Variants in CWF19L2 observed in about 807,000 individuals in gnomAD.
CWF19L2 encodes CWF19-like protein 2.
CWF19L2 carries 98 observed loss-of-function variants against 111.7 expected under a neutral mutation model. That is an observed-to-expected ratio of 0.88 (90% CI 0.75 to 1.04). The LOEUF (loss-of-function observed/expected upper bound fraction) is 1.04. Among genes scored for constraint, CWF19L2 ranks in the 50% least tolerant of loss-of-function variants. The pLI, the probability that CWF19L2 is intolerant of heterozygous loss-of-function variation, is 0.00. For missense variants in CWF19L2, 1,101 were observed against 1,051.4 expected (o/e 1.05, Z -0.65); for synonymous variants, 351 against 342.9 (o/e 1.02, Z -0.26).
intron 6 of CWF19L2, 62 bp from the exon 7 acceptor site, chr11:107,433,811 A>C (rs1335342539): frequency 2.8e-5 from 17 of 606,954 alleles, no homozygotes; most frequent in African/African-American, 4.0e-5. Flanking sequence ...ATTAATATGT[A>C]TTGCTTCTAT....
intron 12 of CWF19L2, among the ~76,000 whole-genome samples, chr11:107,356,250 A>G (rs1312461504): frequency 6.6e-6 from 1 of 152,210 alleles, no homozygotes; most frequent in African/African-American, 2.4e-5. Flanking sequence ...ATTTAGAGGG[A>G]AAATTATAGC....
Position 107,329,996 on chromosome 11 carries a change from G to A in CWF19L2, c.2463C>T (p.Phe821=), listed in dbSNP as rs752332845. 3 of 1,582,138 alleles carry A rather than the reference G, an allele frequency of 1.9e-6. No individual in the cohort carries two copies. Among genetic ancestry groups the A allele is most frequent in the African/African-American group, 2.7e-5 (2 of 74,148 alleles). ...CTCCGTGAAGGCCAAAATCCACAGA[G>A]AAGTAAGGTAACCCTCTGGGTACCT... ...RKSVPRGLPY[F]SVDFGLHGGF... The change falls in exon 17 of 18, where the codon TTC becomes TTT. Residue 821 remains phenylalanine, a synonymous_variant. Transcript: ENST00000282251.
At chr11:107,416,750 A>T (rs1861232015) in intron 9 of CWF19L2, among the ~76,000 whole-genome samples, 1 of 152,196 alleles carries the variant, frequency 6.6e-6, no homozygotes, top group South Asian at 2.1e-4. Flanking sequence ...ATTTATATAA[A>T]ACAACTGCCA....
At chr11:107,347,091 G>T (rs1860091367) in intron 14 of CWF19L2, among the ~76,000 whole-genome samples, 1 of 152,136 alleles carries the variant, frequency 6.6e-6, no homozygotes, top group African/African-American at 2.4e-5. Context: ...TTGTAAAAAT[G>T]ATAACAATAA....
At chr11:107,400,499 TCCTAGCTTAAATCAGGAAGAATTAGACAC>T (rs1860985044) in intron 10 of CWF19L2, among the ~76,000 whole-genome samples, 1 of 151,982 alleles carries the variant, frequency 6.6e-6, no homozygotes, top group African/African-American at 2.4e-5. Context: ...AATACAACCC[TCCTAGCTTAAATCAGGAAGAATTAGACAC>T]CCTGAACAGA....
At chr11:107,433,917 TATA>T in intron 6 of CWF19L2, among the ~76,000 whole-genome samples, 168 bp from the exon 7 acceptor site, 4 of 137,296 alleles carry the variant, frequency 2.9e-5, no homozygotes, top group East Asian at 2.1e-4. Flanking sequence ...TATATATATA[TATA>T]TTTCAGTGCC....
intron 10 of CWF19L2, among the ~76,000 whole-genome samples, chr11:107,396,264 T>C (rs115466292): frequency 0.012 from 1,778 of 152,356 alleles, 27 homozygotes; most frequent in African/African-American, 0.04. Context: ...TATAAACTCT[T>C]TCCATTTTCA....
At chr11:107,353,984 A>C (rs1860198373) in intron 12 of CWF19L2, among the ~76,000 whole-genome samples, 1 of 152,164 alleles carries the variant, frequency 6.6e-6, no homozygotes, top group South Asian at 2.1e-4. Context: ...TTATACTCCT[A>C]TGTGGTGGGG....
intron 4 of CWF19L2, among the ~76,000 whole-genome samples, 189 bp from the exon 5 acceptor site, chr11:107,441,811 A>G (rs1166565042): frequency 6.6e-6 from 1 of 152,222 alleles, no homozygotes; most frequent in Non-Finnish European, 1.5e-5. Context: ...TCTCTCCTCT[A>G]TAAAATGGTA....
At chr11:107,453,129 G>A (rs776147256) in intron 3 of CWF19L2, among the ~76,000 whole-genome samples, 5 of 152,142 alleles carry the variant, frequency 3.3e-5, no homozygotes, top group African/African-American at 4.8e-5. Context: ...ATTTCACAAA[G>A]ACATGGAATG....
At chr11:107,336,852 T>A in intron 14 of CWF19L2, 139 bp from the exon 15 acceptor site, 1 of 557,504 alleles carries the variant, frequency 1.8e-6, no homozygotes, top group Non-Finnish European at 3.1e-6. Context: ...AAATAAACAG[T>A]AATATCTGAA....
Position 107,326,941 on chromosome 11 carries a change from G to C in CWF19L2, c.2654C>G (p.Pro885Arg), listed in dbSNP as rs1160024479. 1 of 1,606,912 alleles carries C rather than the reference G, an allele frequency of 6.2e-7. No homozygotes were observed. Among genetic ancestry groups the C allele is most frequent in the Non-Finnish European group, 8.5e-7 (1 of 1,177,166 alleles). ...KALQFAQWWK[P>R]YDFTKSKNY is the part of the protein sequence containing the mutation. Reference sequence around the variant, plus strand: ...GTTTTTACTTTTGGTGAAGTCATATGGTTTCCACCACTGAGCAAACTGCAG... The same window carrying C: ...GTTTTTACTTTTGGTGAAGTCATATCGTTTCCACCACTGAGCAAACTGCAG... Residue 885 changes from proline (P) to arginine (R), a missense_variant, in exon 18 of 18, where the codon CCA (proline) becomes CGA (arginine). Transcript: ENST00000282251.
chr11:107,336,362 G>T (rs556303716), intron 15 of CWF19L2, among the ~76,000 whole-genome samples, 196 bp downstream of exon 15: 1 of 152,122 alleles, frequency 6.6e-6, no homozygotes, highest in African/African-American at 2.4e-5. Context: ...GGCCAGGCTG[G>T]TCTTGAAGTC....
rs775560292 is a variant in CWF19L2 at position 107,348,978 on chromosome 11, C to T, written c.2161G>A (p.Ala721Thr). Reference protein sequence around the residue: ...CLIVPLQHHRAATLLDEDIWE... With the variant: ...CLIVPLQHHRTATLLDEDIWE... ...ATGTCTTCATCCAACAAAGTAGCTG[C>T]TCTATGGTGCTGCAAAGGGACTATC... The change falls in exon 14 of 18, where the codon GCA becomes ACA. Residue 721 changes from alanine (A) to threonine (T), a missense_variant. By Grantham distance (58) the Ala-to-Thr change is moderately conservative (BLOSUM62 0). Coordinates refer to ENST00000282251, the MANE Select transcript of CWF19L2 (RefSeq NM_152434.3). 7 of 1,610,754 alleles carry T rather than the reference C, an allele frequency of 4.3e-6. No homozygotes were observed. In the East Asian group the frequency reaches 1.3e-4, roughly 31 times the overall value.
intron 14 of CWF19L2, among the ~76,000 whole-genome samples, chr11:107,344,369 G>A (rs1860047993): frequency 6.6e-6 from 1 of 151,832 alleles, no homozygotes; most frequent in South Asian, 2.1e-4. Context: ...TTTCCTTTCT[G>A]TTTAAAGAAC....
At chr11:107,455,416 A>G (rs150711875) in intron 2 of CWF19L2, among the ~76,000 whole-genome samples, 2 of 152,320 alleles carry the variant, frequency 1.3e-5, no homozygotes, top group East Asian at 3.9e-4. Flanking sequence ...TAAGCTTGCT[A>G]TAGTGGGCCA....
chr11:107,353,619 C>G lies in CWF19L2; in HGVS notation c.1990G>C (p.Glu664Gln). 1 of 1,613,812 alleles carries G rather than the reference C, an allele frequency of 6.2e-7. No homozygotes were observed. The highest frequency in any genetic ancestry group is 8.5e-7 in the Non-Finnish European group (1 of 1,179,774). Reference protein sequence around the residue: ...EENQRKKAIAEHRSLAAQMEK... With the variant: ...EENQRKKAIAQHRSLAAQMEK... ...ATTTGTGCAGCAAGACTCCGATGCT[C>G]AGCAATAGCTTTTTTCCTTTGGTTC... is the stretch of plus-strand genomic sequence containing the variant. Residue 664 changes from glutamate to glutamine, a missense_variant, in exon 13 of 18, where the codon GAG becomes CAG. Coordinates refer to ENST00000282251, the MANE Select transcript of CWF19L2 (RefSeq NM_152434.3).
intron 12 of CWF19L2, among the ~76,000 whole-genome samples, chr11:107,364,226 A>G (rs1358008230): frequency 7.0e-6 from 1 of 142,544 alleles, no homozygotes; most frequent in Non-Finnish European, 1.5e-5. Context: ...TAATAATGGG[A>G]GACTTTAACA....
At chr11:107,403,728 T>C (rs1861039983) in intron 10 of CWF19L2, 4 of 858,220 alleles carry the variant, frequency 4.7e-6, no homozygotes, top group Non-Finnish European at 8.1e-6. Context: ...TCCTTCTCCC[T>C]TTCCTCCTGC....
Sources: allele counts gnomAD v4.1 joint callset (sites outside exome capture counted in the v4.1 genomes callset), GRCh38; gene constraint gnomAD v4.1.1; transcripts MANE v1.5; gene names NCBI Gene and HGNC (gene_info 2026-07-23, HGNC 2026-07-21).